Variants in CNTNAP5 observed in about 807,000 individuals in gnomAD.
CNTNAP5 encodes the protein contactin associated protein family member 5.
CNTNAP5 carries 72 observed loss-of-function variants against 150.2 expected under a neutral mutation model. That is an observed-to-expected ratio of 0.48 (90% CI 0.40 to 0.58). CNTNAP5 has a LOEUF of 0.58. Among genes scored for constraint, CNTNAP5 ranks in the 20% least tolerant of loss-of-function variants. CNTNAP5 has a pLI of 0.00. For synonymous variants in CNTNAP5, 672 were observed against 619.8 expected, an observed-to-expected ratio of 1.08 and a Z score of -1.25; for missense variants, 1,636 against 1,626.2, an observed-to-expected ratio of 1.01 and a Z score of -0.10.
At chr2:124,811,910 C>T (rs1682231704) in intron 19 of CNTNAP5, among the ~76,000 whole-genome samples, 1 of 136,304 alleles carries the variant, frequency 7.3e-6, no homozygotes, top group South Asian at 2.2e-4. Flanking sequence ...CCACCGCACT[C>T]CAGCCTGGGC....
chr2:124,797,324 T>C (rs1183784667), intron 18 of CNTNAP5, among the ~76,000 whole-genome samples: 1 of 152,186 alleles, frequency 6.6e-6, no homozygotes, highest in Non-Finnish European at 1.5e-5. Context: ...GATTTACATA[T>C]CCCACTAAAT....
intron 1 of CNTNAP5, among the ~76,000 whole-genome samples, chr2:124,123,774 G>C (rs1353795370): frequency 6.6e-6 from 1 of 152,180 alleles, no homozygotes; most frequent in Non-Finnish European, 1.5e-5. Context: ...GCCTCCGCTA[G>C]TGATACCCAG....
intron 10 of CNTNAP5, among the ~76,000 whole-genome samples, chr2:124,559,168 AC>A (rs1278429464): frequency 6.6e-6 from 1 of 152,172 alleles, no homozygotes; most frequent in African/African-American, 2.4e-5. Context: ...TTTATCTATT[AC>A]CTGGATTGTC....
At position 124,532,389 on chromosome 2, in the gene CNTNAP5, G is replaced by A. The variant is rs188742589; in HGVS notation, c.1649+4933G>A. On this transcript the variant is annotated intron_variant, in intron 10 of 23. Transcript: ENST00000682447. ...GTCTGAGTGGAGTAAGGTGAGCCAG[G>A]TTCAAAGAGTCTCTGCCCCGCATCC... 1.3e-3 allele frequency among the ~76,000 whole-genome samples: 201 copies of A among 152,282 alleles called. 1 individual carries two copies. Among genetic ancestry groups the A allele is most frequent in the African/African-American group, 4.6e-3 (191 of 41,560 alleles).
intron 13 of CNTNAP5, among the ~76,000 whole-genome samples, chr2:124,690,116 C>A (rs891670258): frequency 1.3e-5 from 2 of 152,086 alleles, no homozygotes; most frequent in African/African-American, 2.4e-5. Context: ...AGTATGAATT[C>A]TCACTTGGAG....
chr2:124,845,766 A>G (rs1013989080), intron 19 of CNTNAP5, among the ~76,000 whole-genome samples: 1 of 151,986 alleles, frequency 6.6e-6, no homozygotes, highest in African/African-American at 2.4e-5. Context: ...TCTCTAGTTT[A>G]TGTGCATAAA....
At chr2:124,450,694 C>T (rs1692947277) in intron 6 of CNTNAP5, among the ~76,000 whole-genome samples, 1 of 151,708 alleles carries the variant, frequency 6.6e-6, no homozygotes, top group Non-Finnish European at 1.5e-5. Flanking sequence ...CAGTTTACTT[C>T]CAGCCTGGAG....
chr2:124,162,634 T>C (rs1013064244), intron 1 of CNTNAP5, among the ~76,000 whole-genome samples: 1 of 152,186 alleles, frequency 6.6e-6, no homozygotes, highest in African/African-American at 2.4e-5. Context: ...TAGTGTGAAA[T>C]GAAGAGTGAA....
Position 124,826,212 on chromosome 2 carries a change from A to G in CNTNAP5, c.3217+27892A>G, listed in dbSNP as rs544744982. Reference sequence around the variant, plus strand: ...TAAGAAACTTTATAACCATATTTCTACCATATTTGAAACCTTTCCAAAGTA... The same window carrying G: ...TAAGAAACTTTATAACCATATTTCTGCCATATTTGAAACCTTTCCAAAGTA... On this transcript the variant is annotated intron_variant, in intron 19 of 23. Transcript: ENST00000682447. 2.6e-5 allele frequency among the ~76,000 whole-genome samples: 4 copies of G among 152,308 alleles called. No homozygotes were observed. In the South Asian group the frequency reaches 8.3e-4, roughly 32 times the overall value.
intron 1 of CNTNAP5, among the ~76,000 whole-genome samples, chr2:124,031,208 A>G (rs1029305229): frequency 2.0e-4 from 30 of 151,994 alleles, no homozygotes; most frequent in African/African-American, 5.6e-4. Flanking sequence ...TATATATTAC[A>G]TTTCCATAGT....
chr2:124,075,941 C>T (rs932704953), intron 1 of CNTNAP5, among the ~76,000 whole-genome samples: 1 of 152,110 alleles, frequency 6.6e-6, no homozygotes, highest in Non-Finnish European at 1.5e-5. Flanking sequence ...TTTACCTAAA[C>T]TGTGATAAGT....
intron 13 of CNTNAP5, among the ~76,000 whole-genome samples, chr2:124,718,888 T>A (rs1573571147): frequency 6.7e-6 from 1 of 150,020 alleles, no homozygotes; most frequent in Non-Finnish European, 1.5e-5. Context: ...GTGGTTGCAG[T>A]GAGCCGGGAT....
At chr2:124,897,314 A>G (rs906084214) in intron 21 of CNTNAP5, among the ~76,000 whole-genome samples, 1 of 151,536 alleles carries the variant, frequency 6.6e-6, no homozygotes, top group Non-Finnish European at 1.5e-5. Context: ...CCTCTACTAT[A>G]AGATTTATTG....
rs1693266685 is a variant in CNTNAP5 at position 124,461,966 on chromosome 2, A to G, written c.919-12773A>G. On this transcript the variant is annotated intron_variant, in intron 6 of 23. Coordinates refer to ENST00000682447, the MANE Select transcript of CNTNAP5 (RefSeq NM_001367498.1). ...TCAGGTCAGGAAATAAAGTTCACTAAGAAAAAAAATAAAATAAAAATAAAA... is the reference window on the plus strand; with the variant it reads ...TCAGGTCAGGAAATAAAGTTCACTAGGAAAAAAAATAAAATAAAAATAAAA... Among the ~76,000 whole-genome samples the G allele has an allele frequency of 3.9e-5, 6 of 152,108 alleles. No homozygotes were observed. In the South Asian group the frequency reaches 1.2e-3, roughly 31 times the overall value.
chr2:124,644,905 TACACACAC>T (rs3039906), intron 12 of CNTNAP5, among the ~76,000 whole-genome samples: 18 of 150,112 alleles, frequency 1.2e-4, no homozygotes, highest in Non-Finnish European at 2.2e-4. Flanking sequence ...CACACACACA[TACACACAC>T]ACACACACAC....
chr2:124,495,168 T>A (rs1573412955), intron 7 of CNTNAP5, among the ~76,000 whole-genome samples: 1 of 152,240 alleles, frequency 6.6e-6, no homozygotes. Flanking sequence ...GGCAAAATAG[T>A]TTTTCATATA....
At chr2:124,855,172 T>G (rs1003789754) in intron 19 of CNTNAP5, among the ~76,000 whole-genome samples, 178 of 85,620 alleles carry the variant, frequency 2.1e-3, no homozygotes, top group African/African-American at 0.012. Flanking sequence ...TTTTGCTTTT[T>G]TTTTTTTTTT....
chr2:124,524,083 G>A (rs796570980), intron 8 of CNTNAP5, among the ~76,000 whole-genome samples: 6 of 152,036 alleles, frequency 3.9e-5, no homozygotes, highest in African/African-American at 1.4e-4. Context: ...CATATCAGAA[G>A]TAGTTCAGCC....
intron 18 of CNTNAP5, among the ~76,000 whole-genome samples, chr2:124,794,778 CTATCCTCCTCCTTTATTATT>C (rs1445976219): frequency 6.6e-6 from 1 of 152,120 alleles, no homozygotes; most frequent in Non-Finnish European, 1.5e-5. Flanking sequence ...CACTCACCTC[CTATCCTCCTCCTTTATTATT>C]TTGAAGAAAA....
Sources: gnomAD v4.1 joint callset for allele counts (sites outside exome capture counted in the v4.1 genomes callset) on GRCh38, gnomAD v4.1.1 for gene constraint, MANE v1.5 for transcripts, NCBI Gene and HGNC (gene_info 2026-07-23, HGNC 2026-07-21) for gene names.